Variants in CLVS1 observed in about 807,000 individuals in gnomAD.
CLVS1 encodes clavesin-1.
Under a neutral mutation model 33.1 loss-of-function variants are expected in CLVS1, and 10 were observed. That is an observed-to-expected ratio of 0.30 (90% CI 0.19 to 0.51). CLVS1 has a LOEUF of 0.51. Among genes scored for constraint, CLVS1 ranks in the 20% least tolerant of loss-of-function variants. The pLI, the probability that CLVS1 is intolerant of heterozygous loss-of-function variation, is 0.97. For missense variants in CLVS1, 343 were observed against 433.4 expected (o/e 0.79, Z 1.85); for synonymous variants, 163 against 166.1 (o/e 0.98, Z 0.14).
At chr8:61,015,858 G>T in the CLVS1 span, among the ~76,000 whole-genome samples, 202 of 152,124 alleles carry the variant, frequency 1.3e-3, no homozygotes, top group East Asian at 0.023. Flanking sequence ...AAAGCTTCCA[G>T]CCCAAAGCTT....
chr8:61,445,549 C>T (rs568347484), intron 3 of CLVS1, among the ~76,000 whole-genome samples: 1 of 152,286 alleles, frequency 6.6e-6, no homozygotes, highest in East Asian at 1.9e-4. Flanking sequence ...TCACCAGAAG[C>T]AGATGCTGGC....
chr8:61,449,513 C>G (rs1431167742), intron 3 of CLVS1, among the ~76,000 whole-genome samples: 1 of 152,172 alleles, frequency 6.6e-6, no homozygotes, highest in Non-Finnish European at 1.5e-5. Flanking sequence ...TCAGGCTGCC[C>G]ACTCAGACTT....
the CLVS1 span, among the ~76,000 whole-genome samples, chr8:61,012,918 G>C: frequency 6.6e-6 from 1 of 152,164 alleles, no homozygotes; most frequent in Admixed American, 6.5e-5. Flanking sequence ...TGTGCTCATC[G>C]TGGCTCAGGA....
chr8:61,434,037 T>G (rs1563551653), intron 3 of CLVS1, among the ~76,000 whole-genome samples: 2 of 151,792 alleles, frequency 1.3e-5, no homozygotes, highest in Non-Finnish European at 2.9e-5. Flanking sequence ...TCTGGTAGGA[T>G]CCTGGAGGGC....
chr8:61,148,307 T>A (rs1806457821), intron 2 of CLVS1, among the ~76,000 whole-genome samples: 1 of 152,216 alleles, frequency 6.6e-6, no homozygotes, highest in Admixed American at 6.6e-5. Flanking sequence ...ACAACACAGA[T>A]GTGGAGGTGG....
rs553987515 is a variant in CLVS1, at chr8:61,416,267, C to T, written c.631-37874C>T. ...ATTTCAACAATGGTTTCCTAGAAAG[C>T]ATTAGTTGAACAAGATAGCTAGCTA... is the stretch of plus-strand genomic sequence containing the variant. On this transcript the variant is annotated intron_variant, in intron 3 of 5. Transcript: ENST00000325897. Among the ~76,000 whole-genome samples the T allele has an allele frequency of 4.6e-5, 7 of 151,654 alleles. No homozygotes were observed. In the South Asian group the frequency reaches 1.5e-3, roughly 32 times the overall value.
At chr8:61,274,502 CT>C (rs1809526529) in intron 2 of CLVS1, among the ~76,000 whole-genome samples, 1 of 152,124 alleles carries the variant, frequency 6.6e-6, no homozygotes, top group Non-Finnish European at 1.5e-5. Context: ...TCTTCTCCCC[CT>C]GCATCTTAAC....
chr8:61,107,439 T>A (rs1166246035), intron 1 of CLVS1, among the ~76,000 whole-genome samples: 1 of 152,226 alleles, frequency 6.6e-6, no homozygotes, highest in African/African-American at 2.4e-5. Flanking sequence ...TCCTTATAGA[T>A]GGCATCTTCT....
intron 2 of CLVS1, among the ~76,000 whole-genome samples, chr8:61,160,787 C>T (rs7008918): frequency 0.53 from 80,792 of 151,990 alleles, 22,415 homozygotes; most frequent in Middle Eastern, 0.72. Context: ...ATCCAGGCTT[C>T]TCTGAGTCTT....
chr8:61,089,943 A>G (rs1805202785), intron 1 of CLVS1, among the ~76,000 whole-genome samples: 1 of 152,132 alleles, frequency 6.6e-6, no homozygotes, highest in Admixed American at 6.5e-5. Context: ...ATTGTTAAAA[A>G]AAATCTCCCA....
chr8:61,392,373 T>A (rs1326453202), intron 3 of CLVS1, among the ~76,000 whole-genome samples: 1 of 152,022 alleles, frequency 6.6e-6, no homozygotes, highest in African/African-American at 2.4e-5. Context: ...TCAACTCATC[T>A]AAGTTTGTTG....
At chr8:60,967,724 G>A in the CLVS1 span, 6 of 455,218 alleles carry the variant, frequency 1.3e-5, no homozygotes, top group East Asian at 4.2e-4. Context: ...GTGGGATTTG[G>A]GATTTGGCCA....
At chr8:61,074,056 G>C (rs1804854450) in intron 1 of CLVS1, among the ~76,000 whole-genome samples, 1 of 149,982 alleles carries the variant, frequency 6.7e-6, no homozygotes, top group South Asian at 2.1e-4. Context: ...AAATATGTAA[G>C]GCCAGGCATG....
At chr8:61,363,374 A>AT (rs1236797684) in intron 2 of CLVS1, among the ~76,000 whole-genome samples, 14 of 152,194 alleles carry the variant, frequency 9.2e-5, no homozygotes, top group Non-Finnish European at 1.6e-4. Context: ...TTTGAAGGGA[A>AT]TGTACGCTGA....
the CLVS1 span, among the ~76,000 whole-genome samples, chr8:60,994,826 T>C: frequency 6.6e-6 from 1 of 152,180 alleles, no homozygotes; most frequent in East Asian, 1.9e-4. Flanking sequence ...TATAGATCAA[T>C]GGAACAGAAC....
intron 2 of CLVS1, among the ~76,000 whole-genome samples, chr8:61,150,568 G>A (rs1364108212): frequency 6.6e-6 from 1 of 152,114 alleles, no homozygotes; most frequent in Non-Finnish European, 1.5e-5. Context: ...GACCATGTTG[G>A]GAGCTTGGCC....
At chr8:61,056,591 G>A (rs1170878105), upstream of CLVS1, among the ~76,000 whole-genome samples, 2 of 152,062 alleles carry the variant, frequency 1.3e-5, no homozygotes, top group African/African-American at 2.4e-5. Context: ...CATAATTCAG[G>A]ACATTAGACT....
At chr8:61,273,915 C>T (rs143380324) in intron 2 of CLVS1, 2,886 of 158,876 alleles carry the variant, frequency 0.018, 101 homozygotes, top group African/African-American at 0.066. Context: ...GAGATGAACC[C>T]GGTACCTCAG....
At chr8:61,442,682 C>A (rs1816601691) in intron 3 of CLVS1, among the ~76,000 whole-genome samples, 1 of 152,128 alleles carries the variant, frequency 6.6e-6, no homozygotes, top group Admixed American at 6.5e-5. Flanking sequence ...TCACCACAAC[C>A]TCCACCTCCC....
Sources: gnomAD v4.1 joint callset for allele counts (sites outside exome capture counted in the v4.1 genomes callset) on GRCh38, gnomAD v4.1.1 for gene constraint, MANE v1.5 for transcripts, NCBI Gene and HGNC (gene_info 2026-07-23, HGNC 2026-07-21) for gene names.